Variants in NINL observed in about 807,000 individuals in gnomAD.
NINL encodes ninein like.
A neutral mutation model predicts 160.3 loss-of-function variants in NINL; 153 were observed. The observed-to-expected ratio is 0.95, with a 90% CI of 0.84 to 1.09. NINL has a LOEUF of 1.09. Among genes scored for constraint, NINL ranks in the 50% least tolerant of loss-of-function variants. NINL has a pLI of 0.00. For missense variants in NINL, 1,829 were observed against 1,764.0 expected, an observed-to-expected ratio of 1.04 and a Z score of -0.66; for synonymous variants, 800 against 734.8, an observed-to-expected ratio of 1.09 and a Z score of -1.43.
Position 25,476,485 on chromosome 20 carries a change from G to A in NINL, c.2806C>T (p.Pro936Ser), listed in dbSNP as rs1259662759. The A allele has an allele frequency of 6.2e-7, 1 of 1,605,460 alleles. No homozygotes were observed. The highest frequency in any genetic ancestry group is 8.5e-7 in the Non-Finnish European group (1 of 1,179,858). The stretch of plus-strand genomic sequence containing the variant: ...AGCAGAGGCAGCTCCCGGGCTCCAG[G>A]CTGCTCCAGCCCCGCTGCGCTCGCG... Reference protein sequence around the residue: ...FGASAAGLEQPGARELPLLGT... With the variant: ...FGASAAGLEQSGARELPLLGT... The change falls in exon 17 of 24, where the codon CCT (proline) becomes TCT (serine). Residue 936 changes from proline (P) to serine (S), a missense_variant. Transcript: ENST00000278886.
At chr20:25,503,438 G>A (rs1037501950) in intron 7 of NINL, among the ~76,000 whole-genome samples, 4 of 133,120 alleles carry the variant, frequency 3.0e-5, no homozygotes, top group Non-Finnish European at 6.4e-5. Context: ...ACCCCAGGAG[G>A]TGGGCACCTG....
chr20:25,559,369 T>C (rs370982946), intron 1 of NINL, among the ~76,000 whole-genome samples: 31 of 152,202 alleles, frequency 2.0e-4, no homozygotes, highest in African/African-American at 6.3e-4. Context: ...GCCTCCCAAA[T>C]AGTTGGGACT....
At chr20:25,527,342 C>T (rs544136325) in intron 1 of NINL, among the ~76,000 whole-genome samples, 5 of 152,128 alleles carry the variant, frequency 3.3e-5, no homozygotes, top group South Asian at 4.2e-4. Context: ...TTACTAGAGA[C>T]GAGGTTTCAC....
rs573019054 is a variant in NINL, at chr20:25,483,513, C to T, written c.1678-1413G>A. Among the ~76,000 whole-genome samples the T allele has an allele frequency of 6.6e-5, 10 of 152,400 alleles. No individual in the cohort carries two copies. In the East Asian group the frequency reaches 1.7e-3, roughly 26 times the overall value. On this transcript the variant is annotated intron_variant, in intron 13 of 23. Transcript: ENST00000278886. ...TTTGCAAAGGGTTCTGCAGCTTTAACTACCAAAGAGGAAACCATTTGCTTC... is the reference window on the plus strand; with the variant it reads ...TTTGCAAAGGGTTCTGCAGCTTTAATTACCAAAGAGGAAACCATTTGCTTC...
At chr20:25,457,248 CAG>C (rs2090710053) in intron 22 of NINL, among the ~76,000 whole-genome samples, 1 of 152,220 alleles carries the variant, frequency 6.6e-6, no homozygotes, top group Non-Finnish European at 1.5e-5. Flanking sequence ...TGCTTGAACA[CAG>C]GAGGCGAAGG....
At chr20:25,566,395 G>A (rs550485303) in intron 1 of NINL, among the ~76,000 whole-genome samples, 2 of 151,074 alleles carry the variant, frequency 1.3e-5, no homozygotes, top group African/African-American at 4.9e-5. Context: ...TTCAACAAAC[G>A]ATTATAAGAT....
Position 25,488,070 on chromosome 20 carries a change from G to A in NINL, c.1677+1174C>T, listed in dbSNP as rs1432985448. 3.3e-5 allele frequency among the ~76,000 whole-genome samples: 5 copies of A among 152,232 alleles called. No homozygotes were observed. In the East Asian group the frequency reaches 9.6e-4, roughly 29 times the overall value. On this transcript the variant is annotated intron_variant, in intron 13 of 23. Transcript: ENST00000278886. ...CAAGGAGGGTGGTGGTCCAACCGCAGGCTCTGAACCTGAACAATCAATCAC... is the reference window on the plus strand; with the variant it reads ...CAAGGAGGGTGGTGGTCCAACCGCAAGCTCTGAACCTGAACAATCAATCAC...
At chr20:25,490,629 G>C (rs1412310715) in intron 11 of NINL, among the ~76,000 whole-genome samples, 1 of 152,006 alleles carries the variant, frequency 6.6e-6, no homozygotes, top group Admixed American at 6.5e-5. Context: ...TATAGAAAAG[G>C]CATCCTTCCA....
At chr20:25,458,096 A>G (rs1352255851) in intron 22 of NINL, among the ~76,000 whole-genome samples, 2 of 152,040 alleles carry the variant, frequency 1.3e-5, no homozygotes, top group South Asian at 2.1e-4. Context: ...GGAACATGCC[A>G]AATACCCCCT....
chr20:25,495,872 C>A (rs2063742868), intron 10 of NINL, among the ~76,000 whole-genome samples: 3 of 152,162 alleles, frequency 2.0e-5, no homozygotes, highest in Non-Finnish European at 4.4e-5. Context: ...TAAGGCCAGG[C>A]GTGGTGGCTC....
At chr20:25,491,638 G>A in intron 10 of NINL, 113 bp from the exon 11 acceptor site, 1 of 1,291,440 alleles carries the variant, frequency 7.7e-7, no homozygotes, top group Non-Finnish European at 1.1e-6. Context: ...CTCAGCACGT[G>A]CAGGGCCGCC....
chr20:25,506,774 AC>A (rs2063970555), intron 5 of NINL, among the ~76,000 whole-genome samples: 1 of 152,184 alleles, frequency 6.6e-6, no homozygotes, highest in African/African-American at 2.4e-5. Flanking sequence ...TTGACCTCAC[AC>A]CATCAAGAAG....
At chr20:25,548,352 C>A (rs2064760583) in intron 1 of NINL, among the ~76,000 whole-genome samples, 1 of 152,328 alleles carries the variant, frequency 6.6e-6, no homozygotes, top group African/African-American at 2.4e-5. Context: ...CACCACTGAG[C>A]TCCACAAGAG....
At chr20:25,481,209 G>A (rs1020618243) in intron 14 of NINL, among the ~76,000 whole-genome samples, 2 of 152,218 alleles carry the variant, frequency 1.3e-5, no homozygotes, top group African/African-American at 4.8e-5. Context: ...GAGGGGCTGA[G>A]GTTGCCATGA....
chr20:25,512,807 C>A, intron 4 of NINL, 27 bp downstream of exon 4: 1 of 1,584,468 alleles, frequency 6.3e-7, no homozygotes. Context: ...CACTGGGCAG[C>A]TGGGGTGGGA....
intron 1 of NINL, among the ~76,000 whole-genome samples, chr20:25,575,491 G>A (rs1439227381): frequency 3.6e-5 from 5 of 140,644 alleles, no homozygotes; most frequent in East Asian, 4.4e-4. Flanking sequence ...GGTGGCTTGC[G>A]CCTGTAATCC....
At chr20:25,536,899 ACAG>A (rs1036971651) in intron 1 of NINL, among the ~76,000 whole-genome samples, 4 of 152,276 alleles carry the variant, frequency 2.6e-5, no homozygotes, top group African/African-American at 9.6e-5. Context: ...ATAAGAAATA[ACAG>A]CAGAATGAGG....
chr20:25,476,076 A>C lies in NINL; in HGVS notation c.3215T>G (p.Leu1072Arg), dbSNP rs1300776909. The part of the protein sequence containing the change: ...LLHLEDVVRA[L>R]EKHVDLREND... ...CTCTCTCAAATCTACATGTTTCTCC[A>C]GAGCCCGGACGACGTCTTCCAGATG... Residue 1072 changes from leucine to arginine, a missense_variant, in exon 17 of 24, where the codon CTG becomes CGG. By Grantham distance (102) the Leu-to-Arg change is moderately radical (BLOSUM62 -2). Transcript: ENST00000278886. 1 of 1,613,850 alleles carries C rather than the reference A, an allele frequency of 6.2e-7. No homozygotes were observed. The highest frequency in any genetic ancestry group is 8.5e-7 in the Non-Finnish European group (1 of 1,179,728).
At chr20:25,581,577 G>A (rs1047255502) in intron 1 of NINL, among the ~76,000 whole-genome samples, 1 of 152,198 alleles carries the variant, frequency 6.6e-6, no homozygotes, top group African/African-American at 2.4e-5. Flanking sequence ...GTCATTAGTG[G>A]TTTAAATGAT....
Sources: gnomAD v4.1 joint callset for allele counts (sites outside exome capture counted in the v4.1 genomes callset) on GRCh38, gnomAD v4.1.1 for gene constraint, MANE v1.5 for transcripts, NCBI Gene and HGNC (gene_info 2026-07-23, HGNC 2026-07-21) for gene names.